The following DRC11 variants were observed in gnomAD, a reference collection of about 807,000 sequenced individuals.
DRC11 encodes dynein regulatory complex subunit 11, also known as IQ and AAA domain-containing protein 1.
chr2:236,494,943 T>C, the DRC11 span, among the ~76,000 whole-genome samples: 5 of 152,226 alleles, frequency 3.3e-5, no homozygotes, highest in East Asian at 9.6e-4. This position sits in a 1 kb window ranked among gnomAD's most constrained non-coding sequence, Gnocchi z 4.2. Flanking sequence ...TTTGATTTAA[T>C]GTGATTTTAT....
the DRC11 span, among the ~76,000 whole-genome samples, chr2:236,470,471 G>A: frequency 5.3e-5 from 8 of 152,248 alleles, no homozygotes; most frequent in South Asian, 4.2e-4. The surrounding 1 kb of genome is among the most constrained non-coding windows in gnomAD (Gnocchi z 5.1). Flanking sequence ...TTAGAGGCGC[G>A]TGTTCGGTCA....
chr2:236,495,569 T>G, the DRC11 span, among the ~76,000 whole-genome samples: 794 of 152,162 alleles, frequency 5.2e-3, 1 homozygote, highest in Non-Finnish European at 9.0e-3. The surrounding 1 kb of genome is among the most constrained non-coding windows in gnomAD (Gnocchi z 5.6). Context: ...GGTGGGCCCA[T>G]TAGGAAAGGT....
chr2:236,368,041 A>G, the DRC11 span: 1 of 669,762 alleles, frequency 1.5e-6, no homozygotes, highest in South Asian at 1.7e-5. Context: ...TGGTGGGTGC[A>G]CTATCAAAAT....
the DRC11 span, among the ~76,000 whole-genome samples, chr2:236,380,294 TCTTAAACAAAAAA>T: frequency 1.8e-4 from 27 of 152,318 alleles, no homozygotes; most frequent in East Asian, 1.9e-3. This position sits in a 1 kb window ranked among gnomAD's most constrained non-coding sequence, Gnocchi z 4.9. Flanking sequence ...GGGTGTTATT[TCTTAAACAAAAAA>T]CTTAAACAAA....
chr2:236,322,813 T>G, the DRC11 span, among the ~76,000 whole-genome samples: 4 of 152,344 alleles, frequency 2.6e-5, no homozygotes, highest in African/African-American at 9.6e-5. Context: ...AAATGAACAT[T>G]GAATACAATA....
the DRC11 span, among the ~76,000 whole-genome samples, chr2:236,415,129 G>C: frequency 6.6e-6 from 1 of 151,942 alleles, no homozygotes; most frequent in Admixed American, 6.6e-5. This position sits in a 1 kb window ranked among gnomAD's most constrained non-coding sequence, Gnocchi z 5.7. Flanking sequence ...GAGGTTAGTT[G>C]AAATATTCAG....
the DRC11 span, among the ~76,000 whole-genome samples, chr2:236,350,017 A>G: frequency 6.6e-6 from 1 of 152,324 alleles, no homozygotes; most frequent in East Asian, 1.9e-4. This position sits in a 1 kb window ranked among gnomAD's most constrained non-coding sequence, Gnocchi z 5.2. Flanking sequence ...TATTTTCTCA[A>G]CCCAGATGGG....
At chr2:236,456,091 T>C in the DRC11 span, among the ~76,000 whole-genome samples, 10 of 152,302 alleles carry the variant, frequency 6.6e-5, no homozygotes, top group East Asian at 1.7e-3. This position sits in a 1 kb window ranked among gnomAD's most constrained non-coding sequence, Gnocchi z 5.4. Flanking sequence ...AATAAAAATA[T>C]GGGGTACTAT....
chr2:236,489,029 T>G, the DRC11 span, among the ~76,000 whole-genome samples: 2 of 136,048 alleles, frequency 1.5e-5, no homozygotes, highest in Non-Finnish European at 3.1e-5. Flanking sequence ...GAGGCCTGTG[T>G]GAGCTCCGGG....
the DRC11 span, chr2:236,369,169 C>T: frequency 6.6e-6 from 1 of 152,160 alleles, no homozygotes; most frequent in East Asian, 1.9e-4. The surrounding 1 kb of genome is among the most constrained non-coding windows in gnomAD (Gnocchi z 4.5). Context: ...TGCAGAGCTT[C>T]GGATGCTACA....
At chr2:236,471,978 T>C in the DRC11 span, among the ~76,000 whole-genome samples, 19 of 152,330 alleles carry the variant, frequency 1.2e-4, no homozygotes, top group African/African-American at 4.3e-4. This position sits in a 1 kb window ranked among gnomAD's most constrained non-coding sequence, Gnocchi z 4.6. Context: ...ATTTAGTCTC[T>C]GATGATCTGG....
the DRC11 span, among the ~76,000 whole-genome samples, chr2:236,471,284 G>A: frequency 1.4e-5 from 2 of 144,110 alleles, no homozygotes; most frequent in African/African-American, 5.1e-5. The surrounding 1 kb of genome is among the most constrained non-coding windows in gnomAD (Gnocchi z 4.6). Flanking sequence ...GGTTTCCTCT[G>A]ACTTAAAAAA....
At chr2:236,492,850 C>G in the DRC11 span, among the ~76,000 whole-genome samples, 2 of 152,206 alleles carry the variant, frequency 1.3e-5, no homozygotes, top group African/African-American at 4.8e-5. Context: ...GAAAAAGATG[C>G]AGCTGCACAA....
chr2:236,377,166 T>C, the DRC11 span: 1 of 1,612,098 alleles, frequency 6.2e-7, no homozygotes, highest in Non-Finnish European at 8.5e-7. The surrounding 1 kb of genome is among the most constrained non-coding windows in gnomAD (Gnocchi z 4.9). Context: ...ACCAGTTCCT[T>C]ATACAGAGAC....
At chr2:236,501,247 C>T in the DRC11 span, among the ~76,000 whole-genome samples, 1 of 152,088 alleles carries the variant, frequency 6.6e-6, no homozygotes, top group South Asian at 2.1e-4. Flanking sequence ...AGGGGAAATC[C>T]ACCTCCGTGA....
chr2:236,392,290 A>C, the DRC11 span: 2 of 1,598,404 alleles, frequency 1.3e-6, no homozygotes, highest in Non-Finnish European at 1.7e-6. The surrounding 1 kb of genome is among the most constrained non-coding windows in gnomAD (Gnocchi z 5.1). Flanking sequence ...CTCCTCTTTG[A>C]TCAGTTCTGG....
the DRC11 span, among the ~76,000 whole-genome samples, chr2:236,344,083 G>T: frequency 1.3e-5 from 2 of 150,098 alleles, no homozygotes; most frequent in African/African-American, 4.9e-5. Flanking sequence ...GGAGGAGGGG[G>T]ACCATTGAAA....
At chr2:236,349,063 G>C in the DRC11 span, among the ~76,000 whole-genome samples, 1 of 152,120 alleles carries the variant, frequency 6.6e-6, no homozygotes. The surrounding 1 kb of genome is among the most constrained non-coding windows in gnomAD (Gnocchi z 5.5). Flanking sequence ...CCAGAGGCCT[G>C]GGTATCCACC....
At chr2:236,410,037 C>T in the DRC11 span, among the ~76,000 whole-genome samples, 2 of 152,092 alleles carry the variant, frequency 1.3e-5, no homozygotes, top group East Asian at 3.9e-4. Context: ...ATTTTTGCAT[C>T]AATGTTCATC....
Sources: allele counts gnomAD v4.1 joint callset (sites outside exome capture counted in the v4.1 genomes callset), GRCh38; gene constraint gnomAD v4.1.1; non-coding constraint Gnocchi (gnomAD v3.1); transcripts MANE v1.5; gene names NCBI Gene and HGNC (gene_info 2026-07-23, HGNC 2026-07-21).